Variants in ZNRF2 observed in about 807,000 individuals in gnomAD.
ZNRF2 encodes the protein E3 ubiquitin-protein ligase ZNRF2.
ZNRF2 carries 16 observed loss-of-function variants against 20.4 expected under a neutral mutation model. That is an observed-to-expected ratio of 0.79 (90% CI 0.53 to 1.19). The LOEUF (loss-of-function observed/expected upper bound fraction) is 1.19, where lower values mean the gene tolerates loss of function less well. ZNRF2 is among the 50% of genes most tolerant of loss of function. ZNRF2 has a pLI of 0.00. For missense variants in ZNRF2, 363 were observed against 332.4 expected (o/e 1.09, Z -0.72); for synonymous variants, 178 against 144.9 (o/e 1.23, Z -1.64).
chr7:30,285,532 C>T lies in ZNRF2; in HGVS notation c.175C>T (p.Pro59Ser). The change falls in exon 1 of 5, where the codon CCC (proline) becomes TCC (serine). Residue 59 changes from proline (P) to serine (S), a missense_variant. By Grantham distance (74) the Pro-to-Ser change is moderately conservative. This residue lies in a region of ZNRF2 where 302 missense variants were observed against 231.5 expected (regional missense o/e 1.30). Transcript: ENST00000323037. ...GGCTCAGGTGCCCAGCGCGCACCAG[C>T]CCAGCGCCTCCGGCGGCGCCGCGGC... ...FPAQVPSAHQ[P>S]SASGGAAAAA... The T allele has an allele frequency of 3.0e-6, 3 of 988,782 alleles. No individual in the cohort carries two copies. Among genetic ancestry groups the T allele is most frequent in the African/African-American group, 1.8e-5 (1 of 56,014 alleles). 61.3% of individuals were successfully genotyped at this position (988,782 alleles called of 1,614,324 possible).
chr7:30,365,414 G>A (rs1438982969), intron 4 of ZNRF2, among the ~76,000 whole-genome samples: 3 of 151,964 alleles, frequency 2.0e-5, no homozygotes, highest in African/African-American at 7.2e-5. Context: ...TACATGGGCA[G>A]GGTGAACTCT....
At chr7:30,322,272 T>C (rs553425837) in intron 1 of ZNRF2, among the ~76,000 whole-genome samples, 3 of 152,290 alleles carry the variant, frequency 2.0e-5, no homozygotes, top group Non-Finnish European at 4.4e-5. Flanking sequence ...CCTGGAGGAT[T>C]AGCTGTGCCA....
At chr7:30,320,322 T>G (rs891916663) in intron 1 of ZNRF2, among the ~76,000 whole-genome samples, 9 of 152,154 alleles carry the variant, frequency 5.9e-5, no homozygotes, top group African/African-American at 2.2e-4. Context: ...GAAAGATAAC[T>G]ATACAGAGAG....
chr7:30,309,555 G>T (rs1799259350), intron 1 of ZNRF2, among the ~76,000 whole-genome samples: 1 of 152,166 alleles, frequency 6.6e-6, no homozygotes, highest in Non-Finnish European at 1.5e-5. Context: ...TCACTATCCT[G>T]AATCAGCACA....
intron 1 of ZNRF2, among the ~76,000 whole-genome samples, chr7:30,309,943 T>C (rs1212086787): frequency 2.0e-5 from 3 of 152,234 alleles, no homozygotes; most frequent in African/African-American, 7.2e-5. Context: ...GGTATTTGTT[T>C]ATGTGTATTT....
At chr7:30,364,464 C>A (rs1042227505) in intron 4 of ZNRF2, among the ~76,000 whole-genome samples, 2 of 152,046 alleles carry the variant, frequency 1.3e-5, no homozygotes, top group Non-Finnish European at 2.9e-5. Context: ...GCCTGGGTGA[C>A]TTAGCAAGTC....
At chr7:30,349,999 TA>T (rs2127954818) in intron 2 of ZNRF2, among the ~76,000 whole-genome samples, 1 of 152,214 alleles carries the variant, frequency 6.6e-6, no homozygotes, top group Non-Finnish European at 1.5e-5. Context: ...GGTTGGGAAA[TA>T]ACTTGGTAAT....
At chr7:30,325,515 A>G (rs532840896) in intron 2 of ZNRF2, among the ~76,000 whole-genome samples, 92 of 152,344 alleles carry the variant, frequency 6.0e-4, no homozygotes, top group African/African-American at 2.2e-3. Context: ...TAGATATAGC[A>G]GCACTTATCT....
At chr7:30,289,064 T>TA (rs1798848945) in intron 1 of ZNRF2, 4 of 152,344 alleles carry the variant, frequency 2.6e-5, no homozygotes, top group Admixed American at 2.6e-4. Context: ...TGTGGACTTC[T>TA]ATAATGTATC....
In ZNRF2 at chr7:30,284,784, C is replaced by T. The variant is rs1439235283; in HGVS notation, c.-574C>T. On this transcript the variant is annotated 5_prime_UTR_variant, in exon 1 of 5. Coordinates refer to ENST00000323037, the MANE Select transcript of ZNRF2 (RefSeq NM_147128.4). ...GGAAGCGCGCGCCACCTCTCCCTCC[C>T]ATTTTTCGTTCTCCCCTCGCGCGCC... 13 of 183,626 alleles carry T rather than the reference C, an allele frequency of 7.1e-5. No homozygotes were observed. The highest frequency in any genetic ancestry group is 2.6e-4 in the South Asian group (4 of 15,544). 11.4% of individuals were successfully genotyped at this position (183,626 alleles called of 1,614,324 possible). A position where few individuals can be genotyped will look rare whatever the true frequency, so the allele number is the denominator to read the frequency against.
intron 2 of ZNRF2, among the ~76,000 whole-genome samples, chr7:30,329,464 C>G (rs1053467602): frequency 6.6e-6 from 1 of 152,154 alleles, no homozygotes; most frequent in Non-Finnish European, 1.5e-5. Flanking sequence ...TTCCCAGCCT[C>G]TGGTAACCAT....
chr7:30,358,912 A>G (rs1266359121), intron 3 of ZNRF2, among the ~76,000 whole-genome samples: 1 of 152,234 alleles, frequency 6.6e-6, no homozygotes, highest in Admixed American at 6.5e-5. Flanking sequence ...TGAAGACAAT[A>G]GAAACAACTT....
At chr7:30,294,442 G>T (rs2128055812) in intron 1 of ZNRF2, among the ~76,000 whole-genome samples, 1 of 152,226 alleles carries the variant, frequency 6.6e-6, no homozygotes, top group African/African-American at 2.4e-5. Flanking sequence ...CTTTATTGTG[G>T]TGGTCCTTAC....
intron 1 of ZNRF2, chr7:30,288,998 G>C (rs995154907): frequency 6.6e-6 from 1 of 152,196 alleles, no homozygotes; most frequent in African/African-American, 2.4e-5. Flanking sequence ...GGATGGGGTA[G>C]ATGAATTGGG....
chr7:30,329,125 T>C (rs1799596349), intron 2 of ZNRF2, among the ~76,000 whole-genome samples: 1 of 152,216 alleles, frequency 6.6e-6, no homozygotes, highest in South Asian at 2.1e-4. Flanking sequence ...TTAAATATTA[T>C]TAGCAAATTC....
Position 30,323,658 on chromosome 7 carries a change from A to G in ZNRF2, c.486A>G (p.Val162=), listed in dbSNP as rs763622535. Residue 162 remains valine (V), a synonymous_variant, in exon 2 of 5, where the codon GTA becomes GTG. Coordinates refer to ENST00000323037, the MANE Select transcript of ZNRF2 (RefSeq NM_147128.4). ...GTTTTTTAGGATTTAAGTGCCCTGT[A>G]TGCTCAAAATTTGTATCCTCAGATG... The part of the protein sequence containing the change: ...PHMFGGFKCP[V]CSKFVSSDEM... 6.3e-7 allele frequency: 1 copy of G among 1,599,924 alleles called. No individual in the cohort carries two copies. The highest frequency in any genetic ancestry group is 8.5e-7 in the Non-Finnish European group (1 of 1,175,100).
At chr7:30,293,497 C>G (rs1798950531) in intron 1 of ZNRF2, among the ~76,000 whole-genome samples, 1 of 152,168 alleles carries the variant, frequency 6.6e-6, no homozygotes, top group South Asian at 2.1e-4. Context: ...GATTCGCCCA[C>G]CTCAGCCTCC....
rs1423857768 is a variant in ZNRF2, at chr7:30,367,003, G to A, written c.*991G>A. Reference sequence around the variant, plus strand: ...AGCAGGCTGTAAACTTAAGAAAAGGGTAAAATAAAATTTTCTGGAGAGGAA... The same window carrying A: ...AGCAGGCTGTAAACTTAAGAAAAGGATAAAATAAAATTTTCTGGAGAGGAA... On this transcript the variant is annotated 3_prime_UTR_variant, in exon 5 of 5. Transcript: ENST00000323037. 6.6e-6 allele frequency: 1 copy of A among 152,460 alleles called. No homozygotes were observed. Among genetic ancestry groups the A allele is most frequent in the Non-Finnish European group, 1.5e-5 (1 of 67,948 alleles). 9.4% of individuals were successfully genotyped at this position (152,460 alleles called of 1,614,324 possible).
At chr7:30,300,405 C>G (rs1799095076) in intron 1 of ZNRF2, among the ~76,000 whole-genome samples, 1 of 152,146 alleles carries the variant, frequency 6.6e-6, no homozygotes, top group African/African-American at 2.4e-5. Context: ...CCTCGGCCTC[C>G]CAAAGTGCTG....
Sources: gnomAD v4.1 joint callset for allele counts (sites outside exome capture counted in the v4.1 genomes callset) on GRCh38, gnomAD v4.1.1 for gene constraint, gnomAD v4.1.1 regional missense constraint, MANE v1.5 for transcripts, NCBI Gene and HGNC (gene_info 2026-07-23, HGNC 2026-07-21) for gene names.